The following MYT1L variants were observed in gnomAD, a reference collection of about 807,000 sequenced individuals.
MYT1L encodes the protein myelin transcription factor 1 like.
MYT1L carries 12 observed loss-of-function variants against 126.7 expected under a neutral mutation model. That is an observed-to-expected ratio of 0.09 (90% CI 0.06 to 0.15). The LOEUF (loss-of-function observed/expected upper bound fraction) is 0.15, where lower values mean the gene tolerates loss of function less well. Ranked by LOEUF, MYT1L falls within the 10% of genes least tolerant of loss-of-function variation. The pLI is 1.00. For synonymous variants in MYT1L, 541 were observed against 604.2 expected (o/e 0.90, Z 1.53); for missense variants, 979 against 1,585.2 (o/e 0.62, Z 6.49).
At chr2:2,218,077 GT>G (rs2093745977) in intron 2 of MYT1L, among the ~76,000 whole-genome samples, 1 of 152,176 alleles carries the variant, frequency 6.6e-6, no homozygotes, top group Non-Finnish European at 1.5e-5. Flanking sequence ...TAAAGTCTTG[GT>G]GAAGAAGTTG....
chr2:2,236,794 TTCTTCTTCTTCTTCTTCTTC>T (rs2094325685), intron 2 of MYT1L, among the ~76,000 whole-genome samples: 1 of 19,920 alleles, frequency 5.0e-5, no homozygotes, highest in Non-Finnish European at 7.6e-5. Flanking sequence ...CTTCTTCTTC[TTCTTCTTCTTCTTCTTCTTC>T]TTTTTTTTTT....
rs531925432 is a variant in MYT1L at position 2,114,580 on chromosome 2, T to C, written c.-304+58292A>G. Reference sequence around the variant, plus strand: ...ATTGACTTTTCAGGTGTTTAATATCTGCTTCTCTCAGGAGATAATACTTTT... The same window carrying C: ...ATTGACTTTTCAGGTGTTTAATATCCGCTTCTCTCAGGAGATAATACTTTT... On this transcript the variant is annotated intron_variant, in intron 3 of 24. Coordinates refer to ENST00000647738, the MANE Select transcript of MYT1L (RefSeq NM_001303052.2). 2.3e-4 allele frequency among the ~76,000 whole-genome samples: 35 copies of C among 152,382 alleles called. No individual in the cohort carries two copies. The South Asian group carries it at 7.0e-3, about 31-fold the overall frequency.
intron 4 of MYT1L, among the ~76,000 whole-genome samples, chr2:2,023,369 C>T (rs1000693987): frequency 6.6e-6 from 1 of 152,332 alleles, no homozygotes; most frequent in Non-Finnish European, 1.5e-5. Context: ...CCAGGAGCTG[C>T]CTGGATGTTG....
At chr2:2,061,774 C>T (rs1322867833) in intron 3 of MYT1L, among the ~76,000 whole-genome samples, 1 of 152,120 alleles carries the variant, frequency 6.6e-6, no homozygotes, top group African/African-American at 2.4e-5. Context: ...AACTGTGAGC[C>T]ATCACAATGA....
intron 3 of MYT1L, among the ~76,000 whole-genome samples, chr2:2,085,429 G>A (rs921219561): frequency 5.9e-5 from 9 of 152,024 alleles, no homozygotes; most frequent in Non-Finnish European, 5.9e-5. Context: ...TGTTCAACTC[G>A]TAAGACTTGC....
chr2:2,036,671 T>G (rs2066889830), intron 4 of MYT1L, among the ~76,000 whole-genome samples: 1 of 152,262 alleles, frequency 6.6e-6, no homozygotes, highest in Non-Finnish European at 1.5e-5. Context: ...TCTTTTTTGT[T>G]GATCAATGCA....
At chr2:1,840,404 G>A (rs1012135795) in intron 20 of MYT1L, among the ~76,000 whole-genome samples, 2 of 152,150 alleles carry the variant, frequency 1.3e-5, no homozygotes, top group African/African-American at 4.8e-5. Context: ...ACATCCGCTT[G>A]TGATGTTGTA....
intron 2 of MYT1L, among the ~76,000 whole-genome samples, chr2:2,250,107 G>A (rs571228474): frequency 2.8e-4 from 42 of 152,218 alleles, no homozygotes; most frequent in Non-Finnish European, 4.7e-4. Flanking sequence ...ATAGAGAACA[G>A]TTTGAAAGTT....
At chr2:1,817,311 T>C (rs971270264) in intron 21 of MYT1L, among the ~76,000 whole-genome samples, 11 of 151,788 alleles carry the variant, frequency 7.2e-5, no homozygotes, top group Non-Finnish European at 1.5e-4. Flanking sequence ...AAGTCCCCCA[T>C]GGGTGGGGGG....
chr2:2,308,941 A>G (rs907391567), intron 1 of MYT1L, among the ~76,000 whole-genome samples: 2 of 151,652 alleles, frequency 1.3e-5, no homozygotes, highest in African/African-American at 4.8e-5. Flanking sequence ...ACTTCAGTAC[A>G]TTCTATCCTT....
intron 2 of MYT1L, among the ~76,000 whole-genome samples, chr2:2,231,168 C>T (rs1279671260): frequency 2.0e-5 from 3 of 152,180 alleles, no homozygotes; most frequent in Admixed American, 2.0e-4. Flanking sequence ...GACTATTGAG[C>T]TGGATTGGGA....
chr2:2,175,008 G>C (rs72769209), intron 2 of MYT1L, among the ~76,000 whole-genome samples: 3 of 152,098 alleles, frequency 2.0e-5, no homozygotes, highest in African/African-American at 7.3e-5. Context: ...GTAGAGAAGT[G>C]TGGTGCTCTC....
At chr2:2,189,462 G>T (rs923238316) in intron 2 of MYT1L, among the ~76,000 whole-genome samples, 1 of 152,098 alleles carries the variant, frequency 6.6e-6, no homozygotes, top group African/African-American at 2.4e-5. Flanking sequence ...ATTAAGACAC[G>T]CATGAAAGAC....
chr2:1,836,644 G>T (rs2040937292), intron 21 of MYT1L, among the ~76,000 whole-genome samples: 1 of 133,640 alleles, frequency 7.5e-6, no homozygotes, highest in Non-Finnish European at 1.6e-5. Context: ...CATCAGCCTG[G>T]CCCCAATATT....
At chr2:2,189,978 C>T (rs866991943) in intron 2 of MYT1L, among the ~76,000 whole-genome samples, 21 of 152,126 alleles carry the variant, frequency 1.4e-4, no homozygotes, top group African/African-American at 3.6e-4. Context: ...GTGCACACAC[C>T]GAGCTCTCCC....
At position 1,901,859 on chromosome 2, in the gene MYT1L, C is replaced by T. The variant is rs1238611180; in HGVS notation, c.2032+1221G>A. ...ATTTTTAGTAGAAACAGGGTTTTGC[C>T]ATGTTGGCCAGGCTGGTCTTGAACT... On this transcript the variant is annotated intron_variant, in intron 14 of 24. Transcript: ENST00000647738. Among the ~76,000 whole-genome samples the T allele has an allele frequency of 2.0e-5, 3 of 152,156 alleles. No individual in the cohort carries two copies. In the East Asian group the frequency reaches 5.8e-4, roughly 29 times the overall value.
chr2:2,169,778 C>T (rs73913237), intron 3 of MYT1L, among the ~76,000 whole-genome samples: 2 of 152,120 alleles, frequency 1.3e-5, no homozygotes, highest in African/African-American at 4.8e-5. Context: ...GACTGCTGAC[C>T]GGCATCCCTC....
chr2:2,062,058 C>T (rs573340878), intron 3 of MYT1L, among the ~76,000 whole-genome samples: 2 of 152,326 alleles, frequency 1.3e-5, no homozygotes, highest in Admixed American at 1.3e-4. Flanking sequence ...TTCCACGTCT[C>T]ATCTAGGGGA....
intron 15 of MYT1L, among the ~76,000 whole-genome samples, chr2:1,890,729 G>A (rs2048758702): frequency 3.3e-5 from 5 of 152,076 alleles, no homozygotes; most frequent in Admixed American, 3.3e-4. Flanking sequence ...TTTGATTTCA[G>A]AGCTGGTCTG....
Sources: allele counts gnomAD v4.1 joint callset (sites outside exome capture counted in the v4.1 genomes callset), GRCh38; gene constraint gnomAD v4.1.1; transcripts MANE v1.5; gene names NCBI Gene and HGNC (gene_info 2026-07-23, HGNC 2026-07-21).